TTC21B: variants seen among roughly 807,000 people sequenced by gnomAD.
TTC21B encodes tetratricopeptide repeat protein 21B.
In TTC21B, 127 loss-of-function variants were observed where a neutral mutation model predicts 175.1. That is an observed-to-expected ratio of 0.73 (90% CI 0.63 to 0.84). The LOEUF (loss-of-function observed/expected upper bound fraction) is 0.84. Among genes scored for constraint, TTC21B ranks in the 40% least tolerant of loss-of-function variants. TTC21B has a pLI of 0.00. For synonymous variants in TTC21B, 524 were observed against 524.5 expected (o/e 1.00, Z 0.01); for missense variants, 1,561 against 1,558.3 (o/e 1.00, Z -0.03).
chr2:165,880,851 T>C (rs768678651), intron 26 of TTC21B, 52 bp from the exon 27 acceptor site: 7 of 1,577,400 alleles, frequency 4.4e-6, no homozygotes, highest in Non-Finnish European at 6.1e-6. Context: ...CACTAAGATT[T>C]TATGGGATGT....
At chr2:165,881,122 A>C (rs990846185) in intron 26 of TTC21B, among the ~76,000 whole-genome samples, 2 of 152,108 alleles carry the variant, frequency 1.3e-5, no homozygotes, top group African/African-American at 4.8e-5. Flanking sequence ...AGCATAATGA[A>C]CTCCATGAAC....
intron 8 of TTC21B, among the ~76,000 whole-genome samples, chr2:165,930,732 G>GGTGTGTGTGT: frequency 4.4e-4 from 49 of 110,760 alleles, no homozygotes; most frequent in South Asian, 1.3e-3. Flanking sequence ...TGGGTATGGG[G>GGTGTGTGTGT]GTGTGTGTGT....
chr2:165,901,602 C>T, intron 20 of TTC21B, 120 bp downstream of exon 20: 3 of 949,666 alleles, frequency 3.2e-6, no homozygotes, highest in Non-Finnish European at 5.0e-6. Context: ...GGATTATAGG[C>T]ATCAGCCACT....
rs1574089927 is a variant in TTC21B, at chr2:165,908,000, G to A, written c.2462-216C>T. On this transcript the variant is annotated intron_variant, in intron 18 of 28. Transcript: ENST00000243344. ...CTGGCTGGATGAAAAGTTAAAGAAC[G>A]GGTTAACAACTAGAGGCTTTTCTTA... 2.6e-5 allele frequency among the ~76,000 whole-genome samples: 4 copies of A among 151,454 alleles called. No individual in the cohort carries two copies. In the South Asian group the frequency reaches 6.2e-4, roughly 24 times the overall value.
intron 7 of TTC21B, among the ~76,000 whole-genome samples, chr2:165,932,279 A>C (rs1396325358): frequency 6.6e-6 from 1 of 152,168 alleles, no homozygotes; most frequent in East Asian, 1.9e-4. Context: ...AGACTAGAAA[A>C]ATCATTACAG....
Position 165,913,559 on chromosome 2 carries a change from C to T in TTC21B, c.2211+15G>A. The T allele has an allele frequency of 1.9e-6, 3 of 1,577,798 alleles. No homozygotes were observed. The highest frequency in any genetic ancestry group is 1.7e-4 in the Middle Eastern group (1 of 5,992). ...ATTTTTTAAAAATGCAGTTCAGTAACATCAGAAATTTTACCTCTAGAATAT... is the reference window on the plus strand; with the variant it reads ...ATTTTTTAAAAATGCAGTTCAGTAATATCAGAAATTTTACCTCTAGAATAT... On this transcript the variant is annotated intron_variant, in intron 16 of 28. Transcript: ENST00000243344.
intron 22 of TTC21B, among the ~76,000 whole-genome samples, chr2:165,891,282 C>T (rs1685183565): frequency 6.6e-6 from 1 of 151,972 alleles, no homozygotes; most frequent in Admixed American, 6.6e-5. Context: ...GAGAAACAGC[C>T]CCTACCTAGG....
In TTC21B at chr2:165,873,611, C is replaced by T. The variant is rs1684573644; in HGVS notation, c.*1144G>A. 2 of 152,158 alleles carry T rather than the reference C, an allele frequency of 1.3e-5. No individual in the cohort carries two copies. Among genetic ancestry groups the T allele is most frequent in the African/African-American group, 4.8e-5 (2 of 41,444 alleles). 9.4% of individuals were successfully genotyped at this position (152,158 alleles called of 1,614,324 possible). A position where few individuals can be genotyped will look rare whatever the true frequency, so the allele number is the denominator to read the frequency against. Reference sequence around the variant, plus strand: ...TCCCTGCTGACCAAAAGTATTTGGTCACCCTTTACCATCAAATGTTACAGT... The same window carrying T: ...TCCCTGCTGACCAAAAGTATTTGGTTACCCTTTACCATCAAATGTTACAGT... On this transcript the variant is annotated 3_prime_UTR_variant, in exon 29 of 29. Coordinates refer to ENST00000243344, the MANE Select transcript of TTC21B (RefSeq NM_024753.5).
intron 6 of TTC21B, among the ~76,000 whole-genome samples, chr2:165,935,806 A>C (rs79116106): frequency 0.013 from 1,983 of 152,276 alleles, 58 homozygotes; most frequent in African/African-American, 0.045. Context: ...TTCTGACAAA[A>C]GAAATCAAGG....
chr2:165,924,260 G>A (rs1410259807), intron 12 of TTC21B, among the ~76,000 whole-genome samples: 1 of 152,104 alleles, frequency 6.6e-6, no homozygotes, highest in Non-Finnish European at 1.5e-5. Context: ...ATTAATGACT[G>A]TAAATTCTTA....
chr2:165,888,617 G>T (rs1685088148), intron 24 of TTC21B, 143 bp from the exon 25 acceptor site: 2 of 683,192 alleles, frequency 2.9e-6, no homozygotes, highest in African/African-American at 3.6e-5. Context: ...CTTTTGTAAA[G>T]AATGTCACTC....
intron 15 of TTC21B, among the ~76,000 whole-genome samples, chr2:165,914,425 A>C (rs1219923684): frequency 6.6e-6 from 1 of 152,200 alleles, no homozygotes; most frequent in Non-Finnish European, 1.5e-5. Flanking sequence ...ACAATCTAGG[A>C]ACTCCAGTCC....
intron 27 of TTC21B, among the ~76,000 whole-genome samples, chr2:165,878,518 C>T (rs1374526631): frequency 2.0e-5 from 3 of 151,512 alleles, no homozygotes; most frequent in Admixed American, 6.6e-5. Context: ...AAAATGATGT[C>T]GGTGTGTAGA....
At chr2:165,875,575 T>A (rs1222555080) in intron 28 of TTC21B, among the ~76,000 whole-genome samples, 2 of 152,184 alleles carry the variant, frequency 1.3e-5, no homozygotes, top group African/African-American at 4.8e-5. Context: ...TTTAAATATT[T>A]GTCATTTTAG....
At chr2:165,891,047 T>G in intron 22 of TTC21B, 59 bp from the exon 23 acceptor site, 1 of 1,410,962 alleles carries the variant, frequency 7.1e-7, no homozygotes, top group Non-Finnish European at 1.0e-6. Flanking sequence ...TTTTGTTGGT[T>G]ATAATTCTAC....
chr2:165,914,324 T>C (rs73020705), intron 15 of TTC21B, among the ~76,000 whole-genome samples: 355 of 152,294 alleles, frequency 2.3e-3, no homozygotes, highest in African/African-American at 8.2e-3. Flanking sequence ...TATTACATTA[T>C]AGTACATCAA....
In TTC21B at chr2:165,914,654, A is replaced by AGTGTGTGTGTGTGTGT. The variant is rs1553511255; in HGVS notation, c.2138+546_2138+547insACACACACACACACAC. On this transcript the variant is annotated intron_variant, in intron 15 of 28. Transcript: ENST00000243344. ...TCTGTTTGGGGAGAAGAGGAAGAGC[A>AGTGTGTGTGTGTGTGT]ATCTGTGTGTGTGTGTGTGTGTGTG... 6.4e-4 allele frequency among the ~76,000 whole-genome samples: 11 copies of AGTGTGTGTGTGTGTGT among 17,102 alleles called. No homozygotes were observed. The South Asian group carries it at 0.013, about 21-fold the overall frequency. The allele number at this position is 17,102 out of a possible 152,430, so 11.2% of individuals were successfully genotyped here.
intron 22 of TTC21B, 86 bp downstream of exon 22, chr2:165,898,600 G>A (rs1685449229): frequency 3.4e-6 from 3 of 885,792 alleles, no homozygotes; most frequent in Non-Finnish European, 5.7e-6. Context: ...GACGGAGTTT[G>A]CCCGAGGGCA....
At chr2:165,915,541 A>G (rs1414464872) in intron 14 of TTC21B, 102 bp from the exon 15 acceptor site, 1 of 965,294 alleles carries the variant, frequency 1.0e-6, no homozygotes, top group East Asian at 2.4e-5. Flanking sequence ...ATGCTAGTAC[A>G]TTTATAATAT....
Sources: gnomAD v4.1 joint callset for allele counts (sites outside exome capture counted in the v4.1 genomes callset) on GRCh38, gnomAD v4.1.1 for gene constraint, MANE v1.5 for transcripts, NCBI Gene and HGNC (gene_info 2026-07-23, HGNC 2026-07-21) for gene names.